The following ARMC1 variants were observed in gnomAD, a reference collection of about 807,000 sequenced individuals.
ARMC1 encodes the protein armadillo repeat containing 1.
A neutral mutation model predicts 31.4 loss-of-function variants in ARMC1; 16 were observed. The ratio of observed to expected loss-of-function variants is 0.51; its 90% CI spans 0.34 to 0.77. The LOEUF (loss-of-function observed/expected upper bound fraction) is 0.77, where lower values mean the gene tolerates loss of function less well. ARMC1 is among the 30% of genes least tolerant of loss of function. The probability of loss-of-function intolerance (pLI) is 0.01; values close to 1 mark genes in which losing one functional copy is unlikely to be tolerated. For missense variants in ARMC1, 259 were observed against 347.5 expected (o/e 0.75, Z 2.02); for synonymous variants, 114 against 118.9 (o/e 0.96, Z 0.27).
Position 65,603,224 on chromosome 8 carries a change from T to C in ARMC1, c.*1170A>G, listed in dbSNP as rs186448474. On this transcript the variant is annotated 3_prime_UTR_variant, in exon 7 of 7. Coordinates refer to ENST00000276569, the MANE Select transcript of ARMC1 (RefSeq NM_018120.6). ...AGCACTTATCTACCAAAAAAACATA[T>C]GTGTATGTATTTATTTATCTTACCT... 1 of 152,206 alleles carries C rather than the reference T, an allele frequency of 6.6e-6. No individual in the cohort carries two copies. Among genetic ancestry groups the C allele is most frequent in the African/African-American group, 2.4e-5 (1 of 41,458 alleles). 9.4% of individuals were successfully genotyped at this position (152,206 alleles called of 1,614,324 possible).
At chr8:65,622,930 C>A (rs1413899384) in intron 2 of ARMC1, among the ~76,000 whole-genome samples, 1 of 150,096 alleles carries the variant, frequency 6.7e-6, no homozygotes, top group African/African-American at 2.5e-5. Flanking sequence ...TGCTTGAACA[C>A]GGGAGGCGGA....
intron 2 of ARMC1, 70 bp from the exon 3 acceptor site, chr8:65,622,424 ACTGC>A: frequency 1.6e-6 from 2 of 1,218,766 alleles, no homozygotes; most frequent in Admixed American, 2.2e-5. Context: ...CTACTAATTT[ACTGC>A]AAGAAAACAA....
At chr8:65,616,261 T>TCA (rs1808253925) in intron 3 of ARMC1, among the ~76,000 whole-genome samples, 1 of 152,088 alleles carries the variant, frequency 6.6e-6, no homozygotes, top group African/African-American at 2.4e-5. Flanking sequence ...GCCTGCCGAG[T>TCA]GCCTGCGATT....
Position 65,602,536 on chromosome 8 carries a change from A to T in ARMC1, c.*1858T>A, listed in dbSNP as rs897293526. 6.6e-6 allele frequency: 1 copy of T among 152,206 alleles called. No homozygotes were observed. Among genetic ancestry groups the T allele is most frequent in the African/African-American group, 2.4e-5 (1 of 41,460 alleles). 9.4% of individuals were successfully genotyped at this position (152,206 alleles called of 1,614,324 possible). Reference sequence around the variant, plus strand: ...CAAAAAATGCTGTTACAGTTGTCTTAACTACTCTATATGATCTGGAATAAA... The same window carrying T: ...CAAAAAATGCTGTTACAGTTGTCTTTACTACTCTATATGATCTGGAATAAA... On this transcript the variant is annotated 3_prime_UTR_variant, in exon 7 of 7. Coordinates refer to ENST00000276569, the MANE Select transcript of ARMC1 (RefSeq NM_018120.6).
chr8:65,607,032 C>T (rs916688294), intron 4 of ARMC1, among the ~76,000 whole-genome samples: 1 of 152,256 alleles, frequency 6.6e-6, no homozygotes, highest in Non-Finnish European at 1.5e-5. Context: ...AACTGACCCA[C>T]GTGCCAAATC....
rs1359383726 is a variant in ARMC1 at position 65,613,278 on chromosome 8, G to A, written c.431C>T (p.Thr144Ile). ...FLGTTNKRAK[T>I]VVLHIDGLDD... is the part of the protein sequence containing the mutation. ...AAGGCCATCTATATGCAAAACCACT[G>A]TTTTGGCACGTTTGTTTGTAGTTCC... The change falls in exon 4 of 7, where the codon ACA becomes ATA. Residue 144 changes from threonine (T) to isoleucine (I), a missense_variant. Thr to Ile is a moderately conservative substitution (Grantham distance 89). This residue lies in a region of ARMC1 where 163 missense variants were observed against 186.7 expected (regional missense o/e 0.87). Transcript: ENST00000276569. 2.5e-6 allele frequency: 4 copies of A among 1,610,946 alleles called. No homozygotes were observed. The East Asian group carries it at 6.7e-5, about 27-fold the overall frequency.
chr8:65,615,440 C>T (rs1808228978), intron 3 of ARMC1, among the ~76,000 whole-genome samples: 1 of 150,018 alleles, frequency 6.7e-6, no homozygotes, highest in African/African-American at 2.5e-5. Context: ...TACAGTGGCT[C>T]ATGCCTGTAA....
chr8:65,610,977 A>G (rs1464224733), intron 4 of ARMC1, among the ~76,000 whole-genome samples: 1 of 151,694 alleles, frequency 6.6e-6, no homozygotes, highest in African/African-American at 2.4e-5. Flanking sequence ...TCTGTCACCC[A>G]GGCTGGAGTG....
chr8:65,617,219 T>G (rs999426289), intron 3 of ARMC1, among the ~76,000 whole-genome samples: 3 of 152,228 alleles, frequency 2.0e-5, no homozygotes, highest in African/African-American at 7.2e-5. Flanking sequence ...ATCAGATTGT[T>G]GCTGTGTCTG....
intron 4 of ARMC1, among the ~76,000 whole-genome samples, chr8:65,610,994 T>C (rs894627844): frequency 4.6e-5 from 7 of 151,838 alleles, no homozygotes; most frequent in African/African-American, 1.7e-4. Flanking sequence ...AGTGCAGTGG[T>C]GTGATTTCCA....
chr8:65,633,915 G>A (rs1412826329), intron 1 of ARMC1, 83 bp downstream of exon 1: 2 of 152,362 alleles, frequency 1.3e-5, no homozygotes, highest in Non-Finnish European at 2.9e-5. Flanking sequence ...CTCCCAGGCG[G>A]ATTCGCTGCC....
chr8:65,605,853 A>G (rs1370395427), intron 4 of ARMC1, among the ~76,000 whole-genome samples: 1 of 152,230 alleles, frequency 6.6e-6, no homozygotes, highest in East Asian at 1.9e-4. Context: ...GGGGGAAAAA[A>G]TACCAAAAAG....
In ARMC1 at chr8:65,627,211, C is replaced by T. The variant is rs1178172750; in HGVS notation, c.183+5G>A. ...CAGAGATTGAAATTACTAAAGGCAA[C>T]TTACAAGCAAAGCGGAGTGGACGAC... On this transcript the variant is annotated splice_donor_5th_base_variant and intron_variant, in intron 2 of 6. Coordinates refer to ENST00000276569, the MANE Select transcript of ARMC1 (RefSeq NM_018120.6). 6.5e-7 allele frequency: 1 copy of T among 1,535,884 alleles called. No homozygotes were observed. Among genetic ancestry groups the T allele is most frequent in the Non-Finnish European group, 8.8e-7 (1 of 1,137,888 alleles).
At chr8:65,627,524 A>C in intron 1 of ARMC1, 91 bp from the exon 2 acceptor site, 1 of 661,380 alleles carries the variant, frequency 1.5e-6, no homozygotes, top group Non-Finnish European at 2.2e-6. Context: ...CTTTAGAAAG[A>C]ATCAGGTAAC....
At chr8:65,616,327 G>A (rs1048025757) in intron 3 of ARMC1, among the ~76,000 whole-genome samples, 4 of 152,192 alleles carry the variant, frequency 2.6e-5, no homozygotes, top group Non-Finnish European at 5.9e-5. Flanking sequence ...TGGAGAGGGG[G>A]TTTCGCTGTG....
rs1259007788 is a variant in ARMC1 at position 65,604,317 on chromosome 8, T to G, written c.*77A>C. 2.9e-6 allele frequency: 4 copies of G among 1,357,036 alleles called. No individual in the cohort carries two copies. 84.1% of individuals were successfully genotyped at this position (1,357,036 alleles called of 1,614,324 possible). A position where few individuals can be genotyped will look rare whatever the true frequency, so the allele number is the denominator to read the frequency against. ...CTTTTCATGATAACTTATTGCAAAT[T>G]GCACTTGACAGTTCACCACAACAAT... On this transcript the variant is annotated 3_prime_UTR_variant, in exon 7 of 7. Transcript: ENST00000276569.
intron 4 of ARMC1, among the ~76,000 whole-genome samples, chr8:65,609,597 C>T (rs560456772): frequency 3.9e-5 from 6 of 152,146 alleles, no homozygotes; most frequent in Admixed American, 6.5e-5. Flanking sequence ...CATGGCTCAA[C>T]GCCTGTAATC....
rs1229120819 is a variant in ARMC1 at position 65,622,348 on chromosome 8, G to A, written c.190C>T (p.Arg64Ter). 3.1e-6 allele frequency: 5 copies of A among 1,613,546 alleles called. No individual in the cohort carries two copies. Among genetic ancestry groups the A allele is most frequent in the Non-Finnish European group, 4.2e-6 (5 of 1,179,624 alleles). Residue 64 changes from arginine (R) to a stop codon, truncating the protein, a stop_gained, in exon 3 of 7, where the codon CGA (arginine) becomes TGA (stop). Transcript: ENST00000276569. LOFTEE classifies it high-confidence loss of function. ...PVVHSALLALRYLAECRANRE... is the reference protein window; with the variant it reads ...PVVHSALLAL ...TTTGCACGGCATTCTGCCAAGTATC[G>A]AAGAGCCTACAGCAGAAGAAGTAAT...
At chr8:65,624,984 G>A (rs1485337209) in intron 2 of ARMC1, among the ~76,000 whole-genome samples, 1 of 152,110 alleles carries the variant, frequency 6.6e-6, no homozygotes, top group Non-Finnish European at 1.5e-5. Context: ...AGCCACATGT[G>A]ATGGTGCGGG....
Sources: allele counts gnomAD v4.1 joint callset (sites outside exome capture counted in the v4.1 genomes callset), GRCh38; gene constraint gnomAD v4.1.1; regional missense constraint gnomAD v4.1.1; transcripts MANE v1.5; gene names NCBI Gene and HGNC (gene_info 2026-07-23, HGNC 2026-07-21).